IKZF5: variants seen among roughly 807,000 people sequenced by gnomAD.
IKZF5 encodes zinc finger protein Pegasus.
A neutral mutation model predicts 30.7 loss-of-function variants in IKZF5; 4 were observed. That is an observed-to-expected ratio of 0.13 (90% CI 0.06 to 0.30). The LOEUF (loss-of-function observed/expected upper bound fraction) is 0.30, where lower values mean the gene tolerates loss of function less well. Ranked by LOEUF, IKZF5 falls within the 10% of genes least tolerant of loss-of-function variation. IKZF5 has a pLI of 1.00. For synonymous variants in IKZF5, 148 were observed against 179.6 expected (o/e 0.82, Z 1.41); for missense variants, 348 against 525.5 (o/e 0.66, Z 3.30).
rs554645915 is a variant in IKZF5, at chr10:122,994,154, C to T, written c.886G>A (p.Val296Ile). Residue 296 changes from valine (V) to isoleucine (I), a missense_variant, in exon 5 of 5, where the codon GTA becomes ATA. Around this residue, in one of 4 missense-constraint regions of IKZF5, gnomAD observed 176 missense variants for 198.2 expected, o/e 0.89. Coordinates refer to ENST00000368886, the MANE Select transcript of IKZF5 (RefSeq NM_001372123.1). This position sits in a 1 kb window ranked among gnomAD's most constrained non-coding sequence, Gnocchi z 5.6. ...ATACTTGCTGATACGGCAGAAACTA[C>T]TGCTTGGGTAGAGGGCTGCTGAATC... ...FMIQQPSTQA[V>I]VSAVSASIPQ... is the part of the protein sequence containing the mutation. The T allele has an allele frequency of 6.2e-6, 10 of 1,614,146 alleles. No homozygotes were observed. Among genetic ancestry groups the T allele is most frequent in the Non-Finnish European group, 8.5e-6 (10 of 1,180,040 alleles).
chr10:123,006,087 A>T (rs57040484), intron 2 of IKZF5, among the ~76,000 whole-genome samples: 2,069 of 152,276 alleles, frequency 0.014, 54 homozygotes, highest in African/African-American at 0.047. Flanking sequence ...GTATACCTAA[A>T]GTATTGTCAT....
chr10:123,005,430 C>A (rs11248358), intron 2 of IKZF5, among the ~76,000 whole-genome samples: 89 of 152,182 alleles, frequency 5.8e-4, no homozygotes, highest in Non-Finnish European at 1.1e-3. Context: ...GTTTGTTAGC[C>A]AAAAAATTAC....
At position 122,994,051 on chromosome 10, in the gene IKZF5, G is replaced by A. The variant is rs370403522; in HGVS notation, c.989C>T (p.Pro330Leu). The part of the protein sequence containing the change: ...SQRNYSPVAG[P>L]SSEPSAHTST... The stretch of plus-strand genomic sequence containing the variant: ...CGTGTGGGCACTTGGCTCACTGCTT[G>A]GACCTGCCACTGGACTATAGTTCCT... Residue 330 changes from proline to leucine, a missense_variant, in exon 5 of 5, where the codon CCA (proline) becomes CTA (leucine). By Grantham distance (98) the Pro-to-Leu change is moderately conservative. Transcript: ENST00000368886. This position sits in a 1 kb window ranked among gnomAD's most constrained non-coding sequence, Gnocchi z 5.6. 35 of 1,613,972 alleles carry A rather than the reference G, an allele frequency of 2.2e-5. No individual in the cohort carries two copies. The highest frequency in any genetic ancestry group is 2.2e-4 in the Admixed American group (13 of 59,990).
At chr10:123,005,805 C>T (rs370876665) in intron 2 of IKZF5, among the ~76,000 whole-genome samples, 2 of 152,294 alleles carry the variant, frequency 1.3e-5, no homozygotes, top group South Asian at 4.1e-4. Context: ...CTGCTGGCAC[C>T]TTCATATTAA....
chr10:123,004,883 G>A (rs1026394241), intron 2 of IKZF5, among the ~76,000 whole-genome samples: 1 of 152,144 alleles, frequency 6.6e-6, no homozygotes, highest in Admixed American at 6.5e-5. Context: ...CTATAGTAGA[G>A]ACATATATGA....
Position 122,993,541 on chromosome 10 carries a change from G to A in IKZF5, c.*239C>T, listed in dbSNP as rs1420301650. 1.9e-5 allele frequency: 6 copies of A among 318,904 alleles called. No individual in the cohort carries two copies. The highest frequency in any genetic ancestry group is 4.5e-5 in the Admixed American group (1 of 22,252). The allele number at this position is 318,904 out of a possible 1,614,324, so 19.8% of individuals were successfully genotyped here. A position where few individuals can be genotyped will look rare whatever the true frequency, so the allele number is the denominator to read the frequency against. On this transcript the variant is annotated 3_prime_UTR_variant, in exon 5 of 5. Coordinates refer to ENST00000368886, the MANE Select transcript of IKZF5 (RefSeq NM_001372123.1). ...TATGACTGCACTCCAATTCTCCAAT[G>A]TCGAAAGGAAAGGAAAAAAGAGACA... is the stretch of plus-strand genomic sequence containing the variant.
intron 2 of IKZF5, among the ~76,000 whole-genome samples, chr10:123,005,084 T>G (rs1447694850): frequency 6.6e-6 from 1 of 151,478 alleles, no homozygotes; most frequent in Non-Finnish European, 1.5e-5. Context: ...AGCTCAGGAG[T>G]TCAAGACCAG....
chr10:123,006,196 A>C (rs1192656318), intron 2 of IKZF5, among the ~76,000 whole-genome samples: 1 of 152,242 alleles, frequency 6.6e-6, no homozygotes, highest in Admixed American at 6.5e-5. Context: ...AAGAGGTATA[A>C]GAGAATTAAG....
chr10:122,993,581 T>C lies in IKZF5; in HGVS notation c.*199A>G, dbSNP rs1201994720. ...AAAAAGAGACACCAATGTGTCTAAC[T>C]GTTCTAATATATAAATGACCCTGAC... On this transcript the variant is annotated 3_prime_UTR_variant, in exon 5 of 5. Transcript: ENST00000368886. 5 of 421,714 alleles carry C rather than the reference T, an allele frequency of 1.2e-5. No homozygotes were observed. The highest frequency in any genetic ancestry group is 2.1e-5 in the Non-Finnish European group (5 of 239,748). 26.1% of individuals were successfully genotyped at this position (421,714 alleles called of 1,614,324 possible).
Position 122,998,610 on chromosome 10 carries a change from G to A in IKZF5, c.16C>T (p.Pro6Ser), listed in dbSNP as rs202154688. ...TCTTTCACGAAGTCCAAAGGCTCTG[G>A]TTTTTTTTCACCCATCTTTGCTTTT... MGEKK[P>S]EPLDFVKDFQ... Residue 6 changes from proline to serine, a missense_variant, in exon 3 of 5, where the codon CCA (proline) becomes TCA (serine). By Grantham distance (74) the Pro-to-Ser change is moderately conservative. Coordinates refer to ENST00000368886, the MANE Select transcript of IKZF5 (RefSeq NM_001372123.1). 178 of 1,610,766 alleles carry A rather than the reference G, an allele frequency of 1.1e-4. No individual in the cohort carries two copies. The highest frequency in any genetic ancestry group is 1.2e-4 in the Non-Finnish European group (140 of 1,178,642).
At chr10:123,001,254 C>A (rs927975172) in intron 2 of IKZF5, among the ~76,000 whole-genome samples, 1 of 152,124 alleles carries the variant, frequency 6.6e-6, no homozygotes, top group African/African-American at 2.4e-5. Context: ...GATCTGCCCA[C>A]CTCGGCCTCC....
rs188076665 is a variant in IKZF5 at position 123,001,855 on chromosome 10, C to T, written c.-46-3184G>A. Among the ~76,000 whole-genome samples the T allele has an allele frequency of 1.9e-3, 296 of 152,330 alleles. 1 individual carries two copies. The highest frequency in any genetic ancestry group is 3.6e-3 in the Non-Finnish European group (242 of 68,018). On this transcript the variant is annotated intron_variant, in intron 2 of 4. Transcript: ENST00000368886. ...TGTAGGGTTGAGGAATGAGGGGGTT[C>T]TGCAAAAGCAGATTTTCCAATTTAC...
chr10:122,998,448 C>A (rs373256523), intron 3 of IKZF5, 45 bp downstream of exon 3: 17 of 1,516,536 alleles, frequency 1.1e-5, no homozygotes, highest in Non-Finnish European at 1.5e-5. Flanking sequence ...AATCATAGTA[C>A]GTGTATAAAA....
rs769520986 is a variant in IKZF5, at chr10:122,994,311, G to C, written c.729C>G (p.Pro243=). The C allele has an allele frequency of 8.7e-6, 14 of 1,614,052 alleles. No homozygotes were observed. The highest frequency in any genetic ancestry group is 1.3e-5 in the African/African-American group (1 of 75,004). Residue 243 remains proline, a synonymous_variant, in exon 5 of 5, where the codon CCC becomes CCG. Coordinates refer to ENST00000368886, the MANE Select transcript of IKZF5 (RefSeq NM_001372123.1). The surrounding 1 kb of genome is among the most constrained non-coding windows in gnomAD (Gnocchi z 5.6). ...AAGGGTTATCAACCATGAGTTCTTG[G>C]GGGTCCCTTGGAAGGCCACCAGTTG... The part of the protein sequence containing the change: ...TTPTGGLPRD[P]QELMVDNPLN...
rs1286660552 is a variant in IKZF5 at position 122,993,885 on chromosome 10, A to C, written c.1155T>G (p.Cys385Trp). 6.2e-7 allele frequency: 1 copy of C among 1,614,090 alleles called. No individual in the cohort carries two copies. The highest frequency in any genetic ancestry group is 8.5e-7 in the Non-Finnish European group (1 of 1,179,948). Reference sequence around the variant, plus strand: ...ACTGAAAAGGATTTTCATACCCATGACATCCCATATGAATAGTGTAAAGGA... The same window carrying C: ...ACTGAAAAGGATTTTCATACCCATGCCATCCCATATGAATAGTGTAAAGGA... The part of the protein sequence containing the change: ...DNILYTIHMG[C>W]HGYENPFQCN... The change falls in exon 5 of 5, where the codon TGT (cysteine) becomes TGG (tryptophan). Residue 385 changes from cysteine (C) to tryptophan (W), a missense_variant. By Grantham distance (215) the Cys-to-Trp change is radical. Transcript: ENST00000368886.
Position 122,994,758 on chromosome 10 carries a change from G to A in IKZF5, c.317-35C>T, listed in dbSNP as rs1165315913. 6.7e-7 allele frequency: 1 copy of A among 1,485,476 alleles called. No homozygotes were observed. The highest frequency in any genetic ancestry group is 1.3e-5 in the South Asian group (1 of 77,124). The allele number at this position is 1,485,476 out of a possible 1,614,324, so 92.0% of individuals were successfully genotyped here. ...AAGAAAAATGATGGAGAAACTACAA[G>A]AGTAGTTCATTTATGGAAAGTTTTG... is the stretch of plus-strand genomic sequence containing the variant. On this transcript the variant is annotated intron_variant, in intron 4 of 4. Transcript: ENST00000368886. The surrounding 1 kb of genome is among the most constrained non-coding windows in gnomAD (Gnocchi z 5.6).
At position 122,993,463 on chromosome 10, in the gene IKZF5, G is replaced by A. The variant is rs1849236627; in HGVS notation, c.*317C>T. The A allele has an allele frequency of 5.3e-6, 1 of 189,334 alleles. No individual in the cohort carries two copies. The allele number at this position is 189,334 out of a possible 1,614,324, so 11.7% of individuals were successfully genotyped here. On this transcript the variant is annotated 3_prime_UTR_variant, in exon 5 of 5. Transcript: ENST00000368886. Reference sequence around the variant, plus strand: ...AACATCAAAAGTATGGATAAGCCTTGAAGTTTTTATGGACCATAAATGTGA... The same window carrying A: ...AACATCAAAAGTATGGATAAGCCTTAAAGTTTTTATGGACCATAAATGTGA...
In IKZF5 at chr10:122,992,776, G is replaced by A. The variant is rs755463906; in HGVS notation, c.*1004C>T. The A allele has an allele frequency of 6.6e-6, 1 of 152,344 alleles. No individual in the cohort carries two copies. Among genetic ancestry groups the A allele is most frequent in the Non-Finnish European group, 1.5e-5 (1 of 67,988 alleles). The allele number at this position is 152,344 out of a possible 1,614,324, so 9.4% of individuals were successfully genotyped here. A position where few individuals can be genotyped will look rare whatever the true frequency, so the allele number is the denominator to read the frequency against. On this transcript the variant is annotated 3_prime_UTR_variant, in exon 5 of 5. Transcript: ENST00000368886. ...TGAAGAGGAGACAAGAATCCATTTTGGACATGTTCTCAGTTTTGTAAATAT... is the reference window on the plus strand; with the variant it reads ...TGAAGAGGAGACAAGAATCCATTTTAGACATGTTCTCAGTTTTGTAAATAT...
intron 2 of IKZF5, among the ~76,000 whole-genome samples, chr10:123,001,236 G>A (rs533059581): frequency 3.3e-5 from 5 of 152,096 alleles, no homozygotes; most frequent in South Asian, 4.1e-4. Context: ...TCGATCTCCC[G>A]ACCTTGTGAT....
Sources: allele counts gnomAD v4.1 joint callset (sites outside exome capture counted in the v4.1 genomes callset), GRCh38; gene constraint gnomAD v4.1.1; regional missense constraint gnomAD v4.1.1; non-coding constraint Gnocchi (gnomAD v3.1); transcripts MANE v1.5; gene names NCBI Gene and HGNC (gene_info 2026-07-23, HGNC 2026-07-21).